The following TET2 variants were observed in gnomAD, a reference collection of about 807,000 sequenced individuals.
TET2 encodes tet methylcytosine dioxygenase 2.
Under a neutral mutation model 142.9 loss-of-function variants are expected in TET2, and 299 were observed. The ratio of observed to expected loss-of-function variants is 2.09; its 90% confidence interval spans 1.90 to 2.30. The LOEUF is 2.30. TET2 is among the 30% of genes most tolerant of loss of function. The pLI, the probability that TET2 is intolerant of heterozygous loss-of-function variation, is 0.00. For synonymous variants in TET2, 819 were observed against 849.0 expected (o/e 0.96, Z 0.61); for missense variants, 2,418 against 2,378.0 (o/e 1.02, Z -0.35).
At position 105,242,182 on chromosome 4, in the gene TET2, T is replaced by G. The variant is rs536069415; in HGVS notation, c.3501-652T>G. On this transcript the variant is annotated intron_variant, in intron 4 of 10. Transcript: ENST00000380013. ...GTATCATTCTTGCTCCATTTCCAAATTATTCATTTCTAAATTAGCATGTAG... is the reference window on the plus strand; with the variant it reads ...GTATCATTCTTGCTCCATTTCCAAAGTATTCATTTCTAAATTAGCATGTAG... 496 of 1,115,978 alleles carry G rather than the reference T, an allele frequency of 4.4e-4. 10 individuals are homozygous for G. In the South Asian group the frequency reaches 0.019, roughly 43 times the overall value. The allele number at this position is 1,115,978 out of a possible 1,614,324, so 69.1% of individuals were successfully genotyped here.
intron 2 of TET2, among the ~76,000 whole-genome samples, chr4:105,221,695 T>G (rs1444467358): frequency 1.3e-5 from 2 of 151,782 alleles, no homozygotes; most frequent in Non-Finnish European, 2.9e-5. Flanking sequence ...CAGCAGTCCT[T>G]TTTCTTTTTT....
chr4:105,182,535 C>G (rs1418028990), intron 1 of TET2, among the ~76,000 whole-genome samples: 1 of 152,194 alleles, frequency 6.6e-6, no homozygotes, highest in African/African-American at 2.4e-5. Flanking sequence ...TAGACACTTG[C>G]AATTTTGCAG....
Position 105,243,729 on chromosome 4 carries a change from C to CTGAGGAAA in TET2, c.3756_3763dup (p.Tyr1255Ter). The CTGAGGAAA allele has an allele frequency of 6.4e-7, 1 of 1,551,482 alleles. No individual in the cohort carries two copies. On this transcript the variant is annotated frameshift_variant, in exon 6 of 11. Transcript: ENST00000380013. LOFTEE classifies it high-confidence loss of function. ...ACTCTACTCGGAGCTTACCGAGACG[C>CTGAGGAAA]TGAGGAAATACGGCACGCTCACCAA...
At chr4:105,185,818 T>C (rs1725403150) in intron 1 of TET2, among the ~76,000 whole-genome samples, 1 of 152,014 alleles carries the variant, frequency 6.6e-6, no homozygotes, top group Non-Finnish European at 1.5e-5. Flanking sequence ...GAATAGTTTA[T>C]AAAGATAAAA....
intron 1 of TET2, chr4:105,147,710 C>T (rs910866818): frequency 1.3e-5 from 2 of 152,216 alleles, no homozygotes; most frequent in Non-Finnish European, 2.9e-5. Context: ...GCTGAGCCTT[C>T]CAGCCTGGGG....
chr4:105,159,321 T>G (rs1723725101), intron 1 of TET2, among the ~76,000 whole-genome samples: 1 of 150,300 alleles, frequency 6.7e-6, no homozygotes, highest in Admixed American at 6.6e-5. Context: ...GGCGCCGCGA[T>G]CTCGGCTCAC....
chr4:105,254,885 G>T (rs200042690), intron 6 of TET2, among the ~76,000 whole-genome samples: 1 of 152,164 alleles, frequency 6.6e-6, no homozygotes, highest in Non-Finnish European at 1.5e-5. Context: ...ATTATGACTG[G>T]ATGCCTTTGG....
Position 105,275,863 on chromosome 4 carries a change from A to G in TET2, c.5353A>G (p.Lys1785Glu). The G allele has an allele frequency of 6.4e-7, 1 of 1,551,914 alleles. No individual in the cohort carries two copies. The highest frequency in any genetic ancestry group is 8.7e-7 in the Non-Finnish European group (1 of 1,146,994). The change falls in exon 11 of 11, where the codon AAG becomes GAG. Residue 1785 changes from lysine (K) to glutamate (E), a missense_variant. Physicochemically the swap from Lys to Glu is moderately conservative, Grantham distance 56. Transcript: ENST00000380013. The part of the protein sequence containing the change: ...SSLHALHLQN[K>E]ENDMLSHTAN... The stretch of plus-strand genomic sequence containing the variant: ...TCTTCATGCCCTGCATCTCCAAAAC[A>G]AGGAGAATGACATGCTTTCCCACAC...
At chr4:105,195,200 G>A (rs1459979046) in intron 2 of TET2, among the ~76,000 whole-genome samples, 1 of 152,122 alleles carries the variant, frequency 6.6e-6, no homozygotes, top group Admixed American at 6.6e-5. Flanking sequence ...TGAAATATCA[G>A]CTGCCTCTGT....
intron 1 of TET2, among the ~76,000 whole-genome samples, chr4:105,171,174 G>C (rs957596852): frequency 6.6e-6 from 1 of 152,180 alleles, no homozygotes; most frequent in Non-Finnish European, 1.5e-5. Flanking sequence ...CATGATGGGA[G>C]TTCCATTTCT....
rs140720801 is a variant in TET2, at chr4:105,222,665, T to A, written c.-46-11232T>A. On this transcript the variant is annotated intron_variant, in intron 2 of 10. Transcript: ENST00000380013. The stretch of plus-strand genomic sequence containing the variant: ...GAAAATTTTCTGCCATTTTGTGGGT[T>A]GCCTGTTCACTCTGATGGTAGTTCC... Among the ~76,000 whole-genome samples, 446 of 152,304 alleles carry A rather than the reference T, an allele frequency of 2.9e-3. 5 individuals are homozygous for A. Among genetic ancestry groups the A allele is most frequent in the African/African-American group, 7.1e-3 (296 of 41,562 alleles).
At chr4:105,241,174 T>G in intron 3 of TET2, 165 bp from the exon 4 acceptor site, 1 of 1,281,160 alleles carries the variant, frequency 7.8e-7, no homozygotes, top group East Asian at 2.8e-5. Context: ...ATGTGGCACA[T>G]TTTCTAATAG....
intron 2 of TET2, among the ~76,000 whole-genome samples, chr4:105,201,792 G>A (rs1017184255): frequency 3.1e-5 from 4 of 129,224 alleles, no homozygotes; most frequent in African/African-American, 5.9e-5. Flanking sequence ...CCCAGACTGC[G>A]GTGCAGTGGC....
chr4:105,247,653 C>T (rs1729644208), intron 6 of TET2, among the ~76,000 whole-genome samples: 1 of 141,286 alleles, frequency 7.1e-6, no homozygotes. Flanking sequence ...TTTACTTTAA[C>T]CTATTCCTCT....
intron 6 of TET2, among the ~76,000 whole-genome samples, chr4:105,258,802 CTT>C (rs1489589251): frequency 6.6e-6 from 1 of 152,086 alleles, no homozygotes; most frequent in Non-Finnish European, 1.5e-5. Flanking sequence ...TTTTATCTCT[CTT>C]TGCTTACTTG....
intron 1 of TET2, among the ~76,000 whole-genome samples, chr4:105,170,785 C>T (rs994808982): frequency 5.9e-5 from 9 of 152,168 alleles, no homozygotes; most frequent in Non-Finnish European, 1.3e-4. Flanking sequence ...ATTTAAAAGG[C>T]TGTTGCGGCT....
chr4:105,195,802 GTC>G (rs1726055141), intron 2 of TET2, among the ~76,000 whole-genome samples: 1 of 152,130 alleles, frequency 6.6e-6, no homozygotes, highest in African/African-American at 2.4e-5. Flanking sequence ...CTATAATGTT[GTC>G]TATGTGCGTA....
At chr4:105,155,303 A>G (rs1723511064) in intron 1 of TET2, among the ~76,000 whole-genome samples, 1 of 152,236 alleles carries the variant, frequency 6.6e-6, no homozygotes, top group Non-Finnish European at 1.5e-5. Flanking sequence ...ATACTGTGGC[A>G]TGTTGAAGAT....
chr4:105,247,526 T>G (rs145672060), intron 6 of TET2, among the ~76,000 whole-genome samples: 107 of 152,244 alleles, frequency 7.0e-4, no homozygotes, highest in Middle Eastern at 3.4e-3. Context: ...CTCTTTTTAT[T>G]TATAATAGCC....
Sources: allele counts gnomAD v4.1 joint callset (sites outside exome capture counted in the v4.1 genomes callset), GRCh38; gene constraint gnomAD v4.1.1; transcripts MANE v1.5; gene names NCBI Gene and HGNC (gene_info 2026-07-23, HGNC 2026-07-21).